Variants in DDX60 observed in about 807,000 individuals in gnomAD.
The protein encoded by DDX60 is DExD/H-box helicase 60.
A neutral mutation model predicts 212.8 loss-of-function variants in DDX60; 165 were observed. The observed-to-expected ratio is 0.78, with a 90% CI of 0.68 to 0.88. The LOEUF (loss-of-function observed/expected upper bound fraction) is 0.88. Among genes scored for constraint, DDX60 ranks in the 40% least tolerant of loss-of-function variants. DDX60 has a pLI of 0.00. For synonymous variants in DDX60, 703 were observed against 685.3 expected (o/e 1.03, Z -0.40); for missense variants, 1,905 against 2,003.9 (o/e 0.95, Z 0.94).
At chr4:168,261,082 T>A in intron 24 of DDX60, 93 bp from the exon 25 acceptor site, 1 of 1,384,934 alleles carries the variant, frequency 7.2e-7, no homozygotes. Context: ...TTGTCTAATA[T>A]ATGTTTTTGG....
At chr4:168,292,047 T>TTA in intron 7 of DDX60, 141 bp from the exon 8 acceptor site, 1 of 459,770 alleles carries the variant, frequency 2.2e-6, no homozygotes, top group East Asian at 3.6e-5. Context: ...CTTTCTTTCT[T>TTA]TCTTTTTTTT....
chr4:168,262,869 A>G (rs1487913438), intron 22 of DDX60, 82 bp from the exon 23 acceptor site: 1 of 834,776 alleles, frequency 1.2e-6, no homozygotes, highest in East Asian at 3.1e-5. Context: ...ATCATAACCC[A>G]AAGACACTGA....
chr4:168,283,068 T>C (rs2149527372), intron 13 of DDX60, among the ~76,000 whole-genome samples: 1 of 152,308 alleles, frequency 6.6e-6, no homozygotes, highest in Non-Finnish European at 1.5e-5. Flanking sequence ...GTAAACACTC[T>C]TTATAATTTA....
intron 8 of DDX60, among the ~76,000 whole-genome samples, chr4:168,290,328 C>CTTTTTTTTTTTTTTTTTT (rs547452038): frequency 8.0e-6 from 1 of 124,260 alleles, no homozygotes; most frequent in Non-Finnish European, 1.7e-5. Flanking sequence ...CTTTTCTTTT[C>CTTTTTTTTTTTTTTTTTT]TTTTTTTTTT....
In DDX60 at chr4:168,257,428, C is replaced by A. The variant is rs547483206; in HGVS notation, c.3399-1559G>T. 3.3e-5 allele frequency among the ~76,000 whole-genome samples: 5 copies of A among 152,234 alleles called. No individual in the cohort carries two copies. The East Asian group carries it at 7.7e-4, about 23-fold the overall frequency. ...GAAGGCACTATTAATATTAATATTT[C>A]TATTAATATCCTTATTGCCAGATTC... On this transcript the variant is annotated intron_variant, in intron 25 of 37. Transcript: ENST00000393743.
At chr4:168,275,712 G>A (rs1246519925) in intron 15 of DDX60, among the ~76,000 whole-genome samples, 3 of 152,064 alleles carry the variant, frequency 2.0e-5, no homozygotes, top group Admixed American at 2.0e-4. Flanking sequence ...GCTACAACCT[G>A]ATATATTTAA....
intron 36 of DDX60, among the ~76,000 whole-genome samples, chr4:168,220,939 A>G (rs1193514854): frequency 1.3e-5 from 2 of 152,142 alleles, no homozygotes; most frequent in Non-Finnish European, 2.9e-5. Context: ...AAGCAATAAA[A>G]ATAGGAGGCT....
chr4:168,280,505 G>A lies in DDX60; in HGVS notation c.1808C>T (p.Ala603Val), dbSNP rs1047338968. Residue 603 changes from alanine (A) to valine (V), a missense_variant, in exon 14 of 38, where the codon GCT (alanine) becomes GTT (valine). Physicochemically the swap from Ala to Val is moderately conservative, Grantham distance 64 (BLOSUM62 0). Transcript: ENST00000393743. ...TTGCTCTTCAATAGAAAATGACAAA[G>A]CATTCCACTTTTGCTCTTCCTTTTG... ...EEQKEEQKWNALSFSIEEQLK... is the reference protein window; with the variant it reads ...EEQKEEQKWNVLSFSIEEQLK... 4 of 1,613,938 alleles carry A rather than the reference G, an allele frequency of 2.5e-6. No individual in the cohort carries two copies. Among genetic ancestry groups the A allele is most frequent in the Non-Finnish European group, 3.4e-6 (4 of 1,179,992 alleles).
intron 4 of DDX60, among the ~76,000 whole-genome samples, chr4:168,307,754 G>A (rs1343098500): frequency 6.6e-6 from 1 of 152,142 alleles, no homozygotes; most frequent in Non-Finnish European, 1.5e-5. Context: ...CTATTGAGGA[G>A]CTTTCTCATC....
upstream of DDX60, among the ~76,000 whole-genome samples, chr4:168,321,481 A>G (rs1402046788): frequency 6.6e-6 from 1 of 152,212 alleles, no homozygotes; most frequent in Non-Finnish European, 1.5e-5. Context: ...CAAATGTATT[A>G]TTTAACAACA....
intron 13 of DDX60, among the ~76,000 whole-genome samples, chr4:168,282,292 A>C (rs1209839024): frequency 5.9e-5 from 9 of 152,186 alleles, no homozygotes. Context: ...TTTTGAAGTT[A>C]TCCTGAGTAG....
At chr4:168,294,481 CATTTATTTATTT>C (rs4058259) in intron 6 of DDX60, among the ~76,000 whole-genome samples, 66 of 149,296 alleles carry the variant, frequency 4.4e-4, no homozygotes, top group East Asian at 7.8e-4. Flanking sequence ...GCAAACGATA[CATTTATTTATTT>C]ATTTATTTAT....
intron 33 of DDX60, among the ~76,000 whole-genome samples, chr4:168,228,491 T>C (rs1021534429): frequency 1.3e-5 from 2 of 152,050 alleles, no homozygotes; most frequent in Admixed American, 6.6e-5. Context: ...AGTTTTTCCT[T>C]TTGTTAACAT....
At position 168,275,952 on chromosome 4, in the gene DDX60, C is replaced by A. The variant is rs1030360356; in HGVS notation, c.2145+63G>T. ...AATCTGGAAGAGATGACTATCTTTGCAAAACACTTTATGTATACCTAATAA... is the reference window on the plus strand; with the variant it reads ...AATCTGGAAGAGATGACTATCTTTGAAAAACACTTTATGTATACCTAATAA... On this transcript the variant is annotated intron_variant, in intron 15 of 37. Coordinates refer to ENST00000393743, the MANE Select transcript of DDX60 (RefSeq NM_017631.6). The A allele has an allele frequency of 7.5e-5, 102 of 1,358,916 alleles. No homozygotes were observed. In the Middle Eastern group the frequency reaches 8.7e-4, roughly 12 times the overall value. The allele number at this position is 1,358,916 out of a possible 1,614,324, so 84.2% of individuals were successfully genotyped here. A position where few individuals can be genotyped will look rare whatever the true frequency, so the allele number is the denominator to read the frequency against.
chr4:168,262,647 CT>C (rs1734670116), intron 23 of DDX60, 35 bp downstream of exon 23: 1 of 1,368,592 alleles, frequency 7.3e-7, no homozygotes, highest in Non-Finnish European at 1.0e-6. Context: ...TATTATCATC[CT>C]CTATAATAGG....
At chr4:168,269,411 A>T (rs1734992928) in intron 19 of DDX60, among the ~76,000 whole-genome samples, 1 of 152,114 alleles carries the variant, frequency 6.6e-6, no homozygotes, top group Non-Finnish European at 1.5e-5. Flanking sequence ...ATCCTGGCTA[A>T]CACAGTGAAA....
At position 168,218,108 on chromosome 4, in the gene DDX60, C is replaced by G. The variant is rs57983302; in HGVS notation, c.5040-1076G>C. On this transcript the variant is annotated intron_variant, in intron 37 of 37. Coordinates refer to ENST00000393743, the MANE Select transcript of DDX60 (RefSeq NM_017631.6). ...CTTATCAGCCTTTTATTATTTGCCC[C>G]TACCTTGTTTCCACTAGAGTTCCAG... 6.5e-3 allele frequency among the ~76,000 whole-genome samples: 992 copies of G among 152,246 alleles called. 10 individuals are homozygous for G. Among genetic ancestry groups the G allele is most frequent in the African/African-American group, 0.023 (942 of 41,552 alleles).
At chr4:168,227,807 T>G (rs933482629) in intron 33 of DDX60, among the ~76,000 whole-genome samples, 20 of 152,106 alleles carry the variant, frequency 1.3e-4, no homozygotes, top group African/African-American at 4.6e-4. Context: ...ATTTTATGTC[T>G]TTTTTATCCT....
chr4:168,268,795 T>C (rs1245280128), intron 20 of DDX60, 59 bp downstream of exon 20: 6 of 968,222 alleles, frequency 6.2e-6, no homozygotes, highest in East Asian at 2.6e-5. Flanking sequence ...AGAGAAATTA[T>C]GAAATTCAAA....
Sources: gnomAD v4.1 joint callset for allele counts (sites outside exome capture counted in the v4.1 genomes callset) on GRCh38, gnomAD v4.1.1 for gene constraint, MANE v1.5 for transcripts, NCBI Gene and HGNC (gene_info 2026-07-23, HGNC 2026-07-21) for gene names.